The following ALDH18A1 variants were observed in gnomAD, a reference collection of about 807,000 sequenced individuals.
The protein encoded by ALDH18A1 is aldehyde dehydrogenase 18 family member A1, also known as delta-1-pyrroline-5-carboxylate synthase.
ALDH18A1 carries 44 observed loss-of-function variants against 88.8 expected under a neutral mutation model. The observed-to-expected ratio is 0.50, with a 90% CI of 0.39 to 0.64. The LOEUF is 0.64. Ranked by LOEUF, ALDH18A1 falls within the 30% of genes least tolerant of loss-of-function variation. The pLI is 0.00. For synonymous variants in ALDH18A1, 331 were observed against 372.1 expected (o/e 0.89, Z 1.27); for missense variants, 782 against 1,009.5 (o/e 0.77, Z 3.05).
intron 11 of ALDH18A1, among the ~76,000 whole-genome samples, chr10:95,622,918 T>G (rs2097855147): frequency 6.6e-6 from 1 of 152,148 alleles, no homozygotes; most frequent in Admixed American, 6.6e-5. Flanking sequence ...TCTTCATATA[T>G]ATACATGTAT....
In ALDH18A1 at chr10:95,616,612, C is replaced by T; in HGVS notation, c.1470G>A (p.Val490=). 6.2e-7 allele frequency: 1 copy of T among 1,605,862 alleles called. No individual in the cohort carries two copies. The highest frequency in any genetic ancestry group is 8.5e-7 in the Non-Finnish European group (1 of 1,176,242). ...TGCCACTTGCGATAGCCAAAGCTGC[C>T]ACCTGCAGATCAAAGGGAGAGCAGT... The part of the protein sequence containing the change: ...FESRPDCLPQ[V]AALAIASGNG... The change falls in exon 13 of 18, where the codon GTG becomes GTA. Residue 490 remains valine (V), a splice_region_variant and synonymous_variant. Coordinates refer to ENST00000371224, the MANE Select transcript of ALDH18A1 (RefSeq NM_002860.4).
intron 17 of ALDH18A1, among the ~76,000 whole-genome samples, chr10:95,609,769 A>ATTTTTTTTTTTTT (rs55659918): frequency 0.064 from 7,224 of 113,696 alleles, 777 homozygotes; most frequent in Non-Finnish European, 0.068. Context: ...GTCTGTCTCT[A>ATTTTTTTTTTTTT]TTTTTTTTTT....
chr10:95,653,837 A>G (rs187555867), intron 1 of ALDH18A1, among the ~76,000 whole-genome samples: 3 of 152,338 alleles, frequency 2.0e-5, no homozygotes, highest in East Asian at 1.9e-4. Flanking sequence ...CCTATTTGAA[A>G]TGTCAGCTTG....
rs766425883 is a variant in ALDH18A1 at position 95,643,120 on chromosome 10, T to G, written c.175A>C (p.Lys59Gln). Residue 59 changes from lysine (K) to glutamine (Q), a missense_variant, in exon 3 of 18, where the codon AAG becomes CAG. Lys to Gln is a moderately conservative substitution (Grantham distance 53). Transcript: ENST00000371224. Reference protein sequence around the residue: ...ITVPLSRTHGKSFAHRSELKH... With the variant: ...ITVPLSRTHGQSFAHRSELKH... ...AGCTCACTGCGGTGGGCGAAGGACT[T>G]GCCATGTGTACGACTGAGGGGTACA... 6.2e-7 allele frequency: 1 copy of G among 1,614,208 alleles called. No individual in the cohort carries two copies. The highest frequency in any genetic ancestry group is 8.5e-7 in the Non-Finnish European group (1 of 1,180,030).
rs1452991329 is a variant in ALDH18A1, at chr10:95,610,184, GA to G, written c.2206+12del. 1.9e-5 allele frequency: 31 copies of G among 1,613,202 alleles called. No individual in the cohort carries two copies. The highest frequency in any genetic ancestry group is 2.6e-5 in the Non-Finnish European group (31 of 1,179,344). On this transcript the variant is annotated intron_variant, in intron 17 of 17. Transcript: ENST00000371224. ...CAAGGAACTTCTTTCTTCCCAACCA[GA>G]GTCTTTCTTACCCAGTCCAAAGCGG...
chr10:95,653,703 C>A (rs2097913869), intron 1 of ALDH18A1, among the ~76,000 whole-genome samples: 2 of 152,194 alleles, frequency 1.3e-5, no homozygotes, highest in African/African-American at 2.4e-5. Flanking sequence ...TAAAAAAAAT[C>A]TTTCAGGTGC....
At chr10:95,617,928 G>A (rs1427666672) in intron 12 of ALDH18A1, among the ~76,000 whole-genome samples, 1 of 152,296 alleles carries the variant, frequency 6.6e-6, no homozygotes, top group African/African-American at 2.4e-5. Flanking sequence ...GAGGTAGTGT[G>A]CCAGCATCAG....
intron 16 of ALDH18A1, 77 bp downstream of exon 16, chr10:95,611,179 C>T: frequency 6.4e-7 from 1 of 1,573,502 alleles, no homozygotes; most frequent in South Asian, 1.1e-5. Flanking sequence ...TTTCTGCAGC[C>T]CAAGGGGGGC....
intron 8 of ALDH18A1, 60 bp downstream of exon 8, chr10:95,628,308 G>A (rs545083423): frequency 1.1e-5 from 17 of 1,610,700 alleles, no homozygotes; most frequent in East Asian, 2.2e-5. Flanking sequence ...AAAGTAAAAA[G>A]GATACAATAT....
chr10:95,612,418 G>A (rs189830816), intron 15 of ALDH18A1, among the ~76,000 whole-genome samples: 22 of 152,308 alleles, frequency 1.4e-4, no homozygotes, highest in African/African-American at 5.1e-4. Context: ...CCAGGACAGG[G>A]TTCATGCCTT....
intron 11 of ALDH18A1, among the ~76,000 whole-genome samples, chr10:95,623,108 T>A (rs1284008229): frequency 6.6e-6 from 1 of 152,062 alleles, no homozygotes; most frequent in Non-Finnish European, 1.5e-5. Flanking sequence ...AATTAAACCA[T>A]CTTTCTACCA....
chr10:95,628,290 T>A, intron 8 of ALDH18A1, 78 bp downstream of exon 8: 1 of 1,600,818 alleles, frequency 6.2e-7, no homozygotes, highest in Non-Finnish European at 8.6e-7. Flanking sequence ...AACCCCCAAA[T>A]AATTACAAAA....
intron 2 of ALDH18A1, among the ~76,000 whole-genome samples, chr10:95,648,783 A>G (rs2139656533): frequency 6.6e-6 from 1 of 152,262 alleles, no homozygotes; most frequent in East Asian, 1.9e-4. Flanking sequence ...TTCATCCCCA[A>G]CAATCAGCCC....
At chr10:95,646,374 C>T (rs1589565397) in intron 2 of ALDH18A1, among the ~76,000 whole-genome samples, 1 of 152,076 alleles carries the variant, frequency 6.6e-6, no homozygotes, top group Non-Finnish European at 1.5e-5. Flanking sequence ...GGTTCAGTGC[C>T]AGGTAGTCAA....
chr10:95,639,102 T>G (rs964122864), intron 3 of ALDH18A1, among the ~76,000 whole-genome samples: 2 of 151,984 alleles, frequency 1.3e-5, no homozygotes, highest in Admixed American at 1.3e-4. Context: ...CTGGCTGAGG[T>G]GGGACGACTG....
At chr10:95,652,876 C>T (rs77751754) in intron 2 of ALDH18A1, among the ~76,000 whole-genome samples, 8 of 151,322 alleles carry the variant, frequency 5.3e-5, no homozygotes, top group Non-Finnish European at 1.5e-5. Context: ...TCTTTTTTTT[C>T]TCTCTCTCTC....
Position 95,613,872 on chromosome 10 carries a change from A to T in ALDH18A1, c.1802-9T>A, listed in dbSNP as rs2097840110. The T allele has an allele frequency of 6.2e-7, 1 of 1,614,242 alleles. No individual in the cohort carries two copies. Among genetic ancestry groups the T allele is most frequent in the Non-Finnish European group, 8.5e-7 (1 of 1,180,032 alleles). On this transcript the variant is annotated splice_polypyrimidine_tract_variant and intron_variant, in intron 14 of 17. Transcript: ENST00000371224. ...ACATTTAGAGTCTCTGACTGAAAGA[A>T]GATGAGCAAAGAATTGTTTCCATTG...
intron 17 of ALDH18A1, among the ~76,000 whole-genome samples, chr10:95,608,952 T>C (rs1237551999): frequency 6.6e-6 from 1 of 152,240 alleles, no homozygotes; most frequent in African/African-American, 2.4e-5. Flanking sequence ...CTCGGCTCAC[T>C]GCAACCTCTG....
intron 15 of ALDH18A1, among the ~76,000 whole-genome samples, chr10:95,611,978 A>G (rs945960063): frequency 6.6e-6 from 1 of 151,742 alleles, no homozygotes; most frequent in African/African-American, 2.4e-5. Flanking sequence ...TCAAAGAAAA[A>G]AAAAAGAATA....
Sources: allele counts gnomAD v4.1 joint callset (sites outside exome capture counted in the v4.1 genomes callset), GRCh38; gene constraint gnomAD v4.1.1; transcripts MANE v1.5; gene names NCBI Gene and HGNC (gene_info 2026-07-23, HGNC 2026-07-21).